The following DSTYK variants were observed in gnomAD, a reference collection of about 807,000 sequenced individuals.
The protein encoded by DSTYK is RIP-homologous kinase.
A neutral mutation model predicts 98.7 loss-of-function variants in DSTYK; 34 were observed. That is an observed-to-expected ratio of 0.34 (90% CI 0.26 to 0.46). DSTYK has a LOEUF of 0.46. Among genes scored for constraint, DSTYK ranks in the 20% least tolerant of loss-of-function variants. The pLI, the probability that DSTYK is intolerant of heterozygous loss-of-function variation, is 1.00. For synonymous variants in DSTYK, 462 were observed against 457.3 expected (o/e 1.01, Z -0.13); for missense variants, 962 against 1,181.7 (o/e 0.81, Z 2.73).
chr1:205,155,668 T>TA (rs1558600583), intron 10 of DSTYK, among the ~76,000 whole-genome samples: 2,505 of 147,882 alleles, frequency 0.017, 77 homozygotes, highest in African/African-American at 0.058. Flanking sequence ...AAAAAAATTT[T>TA]TAAAAAAAAG....
chr1:205,154,096 GAGAA>G (rs1218049506), intron 10 of DSTYK, among the ~76,000 whole-genome samples: 4 of 151,442 alleles, frequency 2.6e-5, no homozygotes, highest in African/African-American at 4.9e-5. Flanking sequence ...CATGTATAGA[GAGAA>G]AGAGAGAGCG....
In DSTYK at chr1:205,143,639, A is replaced by C. The variant is rs1574737895; in HGVS notation, c.*3919T>G. 1 of 152,694 alleles carries C rather than the reference A, an allele frequency of 6.5e-6. No homozygotes were observed. The highest frequency in any genetic ancestry group is 1.9e-4 in the East Asian group (1 of 5,170). The allele number at this position is 152,694 out of a possible 1,614,324, so 9.5% of individuals were successfully genotyped here. On this transcript the variant is annotated 3_prime_UTR_variant, in exon 13 of 13. Coordinates refer to ENST00000367162, the MANE Select transcript of DSTYK (RefSeq NM_015375.3). ...CAATTCCCCTGGGCCTCCCAGTGCT[A>C]AATAATAAGCCAAAGCCAAAAAATA...
chr1:205,147,836 G>A, intron 12 of DSTYK, 91 bp from the exon 13 acceptor site: 5 of 1,348,008 alleles, frequency 3.7e-6, no homozygotes, highest in Non-Finnish European at 5.2e-6. Flanking sequence ...CTTCCCAGTG[G>A]GGCTCAGAAT....
intron 9 of DSTYK, among the ~76,000 whole-genome samples, chr1:205,158,457 A>G (rs1657622153): frequency 6.6e-6 from 1 of 152,184 alleles, no homozygotes; most frequent in African/African-American, 2.4e-5. Flanking sequence ...GGTGGTTTAG[A>G]TAAGGGAAAC....
intron 2 of DSTYK, among the ~76,000 whole-genome samples, chr1:205,179,824 G>A (rs111449345): frequency 3.9e-5 from 6 of 152,174 alleles, no homozygotes; most frequent in South Asian, 2.1e-4. Context: ...GTTTCTGCCC[G>A]TTGACAATAC....
chr1:205,151,113 A>C (rs1277466091), intron 10 of DSTYK, among the ~76,000 whole-genome samples: 1 of 152,174 alleles, frequency 6.6e-6, no homozygotes, highest in African/African-American at 2.4e-5. Flanking sequence ...AACATAGAAA[A>C]GGTACAGTAA....
At chr1:205,164,021 C>A in intron 3 of DSTYK, 66 bp from the exon 4 acceptor site, 2 of 1,364,902 alleles carry the variant, frequency 1.5e-6, no homozygotes, top group South Asian at 1.2e-5. Flanking sequence ...TAAATAAAGT[C>A]ATCTCCCAAA....
intron 2 of DSTYK, among the ~76,000 whole-genome samples, chr1:205,171,622 C>A (rs1658067526): frequency 6.6e-6 from 1 of 152,120 alleles, no homozygotes; most frequent in African/African-American, 2.4e-5. Context: ...ATCCATTGCA[C>A]AGGTTGTTCC....
rs117373510 is a variant in DSTYK at position 205,186,677 on chromosome 1, T to C, written c.654+741A>G. On this transcript the variant is annotated intron_variant, in intron 2 of 12. Transcript: ENST00000367162. The stretch of plus-strand genomic sequence containing the variant: ...CCCCATTTGGTCTAATTAAATAGCC[T>C]GGTCCTAACTATCCAGTAGGAAAGG... 2.1e-4 allele frequency among the ~76,000 whole-genome samples: 32 copies of C among 152,320 alleles called. No homozygotes were observed. The East Asian group carries it at 6.2e-3, about 29-fold the overall frequency.
chr1:205,169,210 G>T lies in DSTYK; in HGVS notation c.1277C>A (p.Thr426Asn). 1.9e-5 allele frequency: 30 copies of T among 1,612,562 alleles called. No homozygotes were observed. Among genetic ancestry groups the T allele is most frequent in the Non-Finnish European group, 2.5e-5 (30 of 1,179,104 alleles). The change falls in exon 3 of 13, where the codon ACC (threonine) becomes AAC (asparagine). Residue 426 changes from threonine to asparagine, a missense_variant. Coordinates refer to ENST00000367162, the MANE Select transcript of DSTYK (RefSeq NM_015375.3). This position sits in a 1 kb window ranked among gnomAD's most constrained non-coding sequence, Gnocchi z 4.0. ...ATCATCCAGAAGTTCCTCCTTCATG[G>T]TATTAAGTGTCTCAACAATCATATC... ...MKDMIVETLN[T>N]MKEELLDDAT...
intron 9 of DSTYK, 34 bp downstream of exon 9, chr1:205,159,512 AT>A: frequency 1.3e-6 from 2 of 1,591,346 alleles, no homozygotes; most frequent in Non-Finnish European, 1.7e-6. Flanking sequence ...GAACCCGTGG[AT>A]TTGGCTGCCA....
At chr1:205,149,140 G>A (rs978719160) in intron 11 of DSTYK, among the ~76,000 whole-genome samples, 7 of 151,832 alleles carry the variant, frequency 4.6e-5, no homozygotes, top group South Asian at 2.1e-4. Context: ...GACCTCAGGC[G>A]ATCCACCTGC....
In DSTYK at chr1:205,190,615, CA is replaced by C. The variant is rs760042971; in HGVS notation, c.266-2810del. Among the ~76,000 whole-genome samples the C allele has an allele frequency of 3.1e-3, 224 of 71,916 alleles. 1 individual carries two copies. Among genetic ancestry groups the C allele is most frequent in the Middle Eastern group, 8.6e-3 (1 of 116 alleles). The allele number at this position is 71,916 out of a possible 152,430, so 47.2% of individuals were successfully genotyped here. ...TGGGCAACAGAGCGAGACTCCATCTCAAAAAAAAAAAAAAAAAAAAAACCCA... is the reference window on the plus strand; with the variant it reads ...TGGGCAACAGAGCGAGACTCCATCTCAAAAAAAAAAAAAAAAAAAAACCCA... On this transcript the variant is annotated intron_variant, in intron 1 of 12. Coordinates refer to ENST00000367162, the MANE Select transcript of DSTYK (RefSeq NM_015375.3).
chr1:205,208,777 A>G (rs1218185738), intron 1 of DSTYK, among the ~76,000 whole-genome samples: 1 of 152,188 alleles, frequency 6.6e-6, no homozygotes, highest in Non-Finnish European at 1.5e-5. Flanking sequence ...TGGCCTGTAA[A>G]TGGGGAGAAC....
rs866879970 is a variant in DSTYK at position 205,153,083 on chromosome 1, C to T, written c.2353-2289G>A. 1.1e-3 allele frequency among the ~76,000 whole-genome samples: 164 copies of T among 152,254 alleles called. 1 individual carries two copies. The highest frequency in any genetic ancestry group is 3.7e-3 in the African/African-American group (154 of 41,550). On this transcript the variant is annotated intron_variant, in intron 10 of 12. Coordinates refer to ENST00000367162, the MANE Select transcript of DSTYK (RefSeq NM_015375.3). Reference sequence around the variant, plus strand: ...TCAGCTAAGGAGAGTTTCCTAAAGTCCCTGTAGTTTCCTTTCCTAAAGGTC... The same window carrying T: ...TCAGCTAAGGAGAGTTTCCTAAAGTTCCTGTAGTTTCCTTTCCTAAAGGTC...
intron 1 of DSTYK, among the ~76,000 whole-genome samples, chr1:205,209,341 G>C (rs1659296220): frequency 6.6e-6 from 1 of 152,192 alleles, no homozygotes. Context: ...GGGTGCGGGT[G>C]AAAGTACACA....
At position 205,157,304 on chromosome 1, in the gene DSTYK, A is replaced by G. The variant is rs1480172950; in HGVS notation, c.2321T>C (p.Val774Ala). The change falls in exon 10 of 13, where the codon GTC (valine) becomes GCC (alanine). Residue 774 changes from valine to alanine, a missense_variant. Coordinates refer to ENST00000367162, the MANE Select transcript of DSTYK (RefSeq NM_015375.3). Reference sequence around the variant, plus strand: ...ATTTTTCAGTTTGATATCACGATGGACAAGTCCCTGGCTGTGCAGGAAGCG... The same window carrying G: ...ATTTTTCAGTTTGATATCACGATGGGCAAGTCCCTGGCTGTGCAGGAAGCG... ...GIRFLHSQGL[V>A]HRDIKLKNVL... 1.9e-6 allele frequency: 3 copies of G among 1,614,014 alleles called. No individual in the cohort carries two copies. Among genetic ancestry groups the G allele is most frequent in the Non-Finnish European group, 2.5e-6 (3 of 1,180,008 alleles).
chr1:205,197,851 A>G (rs1377009279), intron 1 of DSTYK, among the ~76,000 whole-genome samples: 2 of 152,210 alleles, frequency 1.3e-5, no homozygotes, highest in African/African-American at 4.8e-5. Context: ...ATGCTCCAGT[A>G]TAGAACAGTC....
rs1430100910 is a variant in DSTYK, at chr1:205,182,580, C to T, written c.654+4838G>A. On this transcript the variant is annotated intron_variant, in intron 2 of 12. Transcript: ENST00000367162. ...CGGCACTTTGGGAGGCCGAGGTGGG[C>T]GGATAACCTGAGGTCAGGAGTTCGA... Among the ~76,000 whole-genome samples the T allele has an allele frequency of 4.3e-5, 6 of 140,188 alleles. No homozygotes were observed. The South Asian group carries it at 1.2e-3, about 27-fold the overall frequency. 92.0% of individuals were successfully genotyped at this position (140,188 alleles called of 152,430 possible).
Sources: allele counts gnomAD v4.1 joint callset (sites outside exome capture counted in the v4.1 genomes callset), GRCh38; gene constraint gnomAD v4.1.1; non-coding constraint Gnocchi (gnomAD v3.1); transcripts MANE v1.5; gene names NCBI Gene and HGNC (gene_info 2026-07-23, HGNC 2026-07-21).